Variants in NRG1 observed in about 807,000 individuals in gnomAD.
NRG1 encodes the protein pro-neuregulin-1, membrane-bound isoform.
In NRG1, 18 loss-of-function variants were observed where a neutral mutation model predicts 63.8. The observed-to-expected ratio is 0.28, with a 90% confidence interval of 0.19 to 0.42. NRG1 has a LOEUF of 0.42. NRG1 is among the 10% of genes least tolerant of loss of function. The probability of loss-of-function intolerance (pLI) is 1.00; values close to 1 mark genes in which losing one functional copy is unlikely to be tolerated. For synonymous variants in NRG1, 302 were observed against 301.3 expected (o/e 1.00, Z -0.02); for missense variants, 762 against 814.7 (o/e 0.94, Z 0.79).
chr8:32,262,518 C>G (rs1272256338), intron 1 of NRG1, among the ~76,000 whole-genome samples: 1 of 152,144 alleles, frequency 6.6e-6, no homozygotes, highest in African/African-American at 2.4e-5. Context: ...TTTTATATCT[C>G]TTCTATGTGG....
At chr8:31,932,020 T>A (rs545797679) in intron 1 of NRG1, among the ~76,000 whole-genome samples, 1 of 152,280 alleles carries the variant, frequency 6.6e-6, no homozygotes, top group South Asian at 2.1e-4. Context: ...CATTTACACC[T>A]GCAGCTGGAT....
chr8:31,838,814 T>C (rs1825921170), intron 1 of NRG1, among the ~76,000 whole-genome samples: 1 of 152,220 alleles, frequency 6.6e-6, no homozygotes, highest in Admixed American at 6.5e-5. Flanking sequence ...TTTTATGTTT[T>C]CCAAAGACCT....
intron 1 of NRG1, among the ~76,000 whole-genome samples, chr8:32,416,010 T>G (rs1375743589): frequency 6.6e-6 from 1 of 152,170 alleles, no homozygotes. Flanking sequence ...TGCAGACACT[T>G]TCGTGAGTAA....
chr8:31,807,744 T>C (rs1822428198), intron 1 of NRG1, among the ~76,000 whole-genome samples: 1 of 152,196 alleles, frequency 6.6e-6, no homozygotes, highest in African/African-American at 2.4e-5. Flanking sequence ...AATTTTCCTC[T>C]TCACTCAGAC....
Position 31,862,730 on chromosome 8 carries a change from T to C in NRG1, c.37+223299T>C, listed in dbSNP as rs1408417302. Among the ~76,000 whole-genome samples, 3 of 152,330 alleles carry C rather than the reference T, an allele frequency of 2.0e-5. No homozygotes were observed. The East Asian group carries it at 5.8e-4, about 29-fold the overall frequency. ...AGAATGACTTCAAATATGCAGCCTT[T>C]ATGAAGATGTGAAAATTGCTGTGCT... On this transcript the variant is annotated intron_variant, in intron 1 of 10. Transcript: ENST00000519301.
chr8:32,558,480 C>A (rs1318701484), intron 1 of NRG1, among the ~76,000 whole-genome samples: 1 of 152,066 alleles, frequency 6.6e-6, no homozygotes, highest in African/African-American at 2.4e-5. Context: ...TGCTGCTCTG[C>A]CCTGAGTGCA....
chr8:31,780,904 G>A (rs916630893), intron 1 of NRG1, among the ~76,000 whole-genome samples: 1 of 152,102 alleles, frequency 6.6e-6, no homozygotes, highest in African/African-American at 2.4e-5. Flanking sequence ...TGTAAATTAT[G>A]AGCTCCATTG....
At chr8:32,244,066 C>A (rs1475048858) in intron 1 of NRG1, among the ~76,000 whole-genome samples, 3 of 152,122 alleles carry the variant, frequency 2.0e-5, no homozygotes, top group Non-Finnish European at 4.4e-5. Context: ...TGCTCCAGGA[C>A]TTTTAGGAAA....
intron 1 of NRG1, among the ~76,000 whole-genome samples, chr8:32,073,276 A>G (rs949135801): frequency 1.3e-5 from 2 of 152,184 alleles, no homozygotes; most frequent in Non-Finnish European, 2.9e-5. Context: ...ATTTTTCTGC[A>G]CAGAGCTTTA....
chr8:32,668,346 A>G (rs551054731), intron 5 of NRG1, among the ~76,000 whole-genome samples: 4 of 152,214 alleles, frequency 2.6e-5, no homozygotes, highest in Admixed American at 6.5e-5. Flanking sequence ...TCAACAGACT[A>G]TTTTCTCCAA....
intron 1 of NRG1, among the ~76,000 whole-genome samples, chr8:31,739,893 C>T (rs1042826301): frequency 6.6e-6 from 1 of 151,964 alleles, no homozygotes; most frequent in Admixed American, 6.6e-5. Flanking sequence ...CTCAGCTTTC[C>T]TCGACCTTTT....
chr8:32,009,689 C>G (rs1479525281), intron 1 of NRG1, among the ~76,000 whole-genome samples: 1 of 151,878 alleles, frequency 6.6e-6, no homozygotes, highest in African/African-American at 2.4e-5. Flanking sequence ...GATGTCAGGT[C>G]TTAGTTTAGA....
At chr8:32,001,839 T>C (rs327333) in intron 1 of NRG1, among the ~76,000 whole-genome samples, 151,938 of 152,064 alleles carry the variant, frequency 1, 75,906 homozygotes, top group Middle Eastern at 1. Flanking sequence ...CATGACTTTA[T>C]ACCATTGATG....
At chr8:31,956,555 C>T (rs1011157646) in intron 1 of NRG1, among the ~76,000 whole-genome samples, 4 of 151,932 alleles carry the variant, frequency 2.6e-5, no homozygotes, top group Non-Finnish European at 5.9e-5. Context: ...ACCCAGGAGG[C>T]GGAGCTTGCA....
intron 1 of NRG1, among the ~76,000 whole-genome samples, chr8:32,477,690 G>A (rs183802425): frequency 1.4e-3 from 206 of 152,118 alleles, no homozygotes; most frequent in African/African-American, 4.9e-3. Flanking sequence ...TGGTGGGAGA[G>A]GAATAGAGGA....
At chr8:32,077,522 A>G (rs749935326) in intron 1 of NRG1, among the ~76,000 whole-genome samples, 2 of 152,238 alleles carry the variant, frequency 1.3e-5, no homozygotes, top group Non-Finnish European at 1.5e-5. Context: ...AATGAATCAT[A>G]TGATCATGGT....
chr8:32,547,942 C>A (rs990774768), upstream of NRG1, among the ~76,000 whole-genome samples: 2 of 152,134 alleles, frequency 1.3e-5, no homozygotes, highest in African/African-American at 2.4e-5. Flanking sequence ...ACGGAGCAGC[C>A]CTCCCAGGCG....
chr8:32,654,733 A>G (rs1485743303), intron 5 of NRG1, among the ~76,000 whole-genome samples: 2 of 110,374 alleles, frequency 1.8e-5, no homozygotes, highest in Non-Finnish European at 4.1e-5. Context: ...AAATGTTTTA[A>G]TGATCAACGT....
At chr8:32,715,641 CTTT>C (rs34392932) in intron 5 of NRG1, among the ~76,000 whole-genome samples, 29 of 126,648 alleles carry the variant, frequency 2.3e-4, no homozygotes, top group Admixed American at 3.1e-4. Context: ...AAATCAGGCC[CTTT>C]TTTTTTTTTT....
Sources: gnomAD v4.1 joint callset for allele counts (sites outside exome capture counted in the v4.1 genomes callset) on GRCh38, gnomAD v4.1.1 for gene constraint, MANE v1.5 for transcripts, NCBI Gene and HGNC (gene_info 2026-07-23, HGNC 2026-07-21) for gene names.